KLF15: variants seen among roughly 807,000 people sequenced by gnomAD.
The protein encoded by KLF15 is KLF transcription factor 15.
Under a neutral mutation model 24.6 loss-of-function variants are expected in KLF15, and 4 were observed. The ratio of observed to expected loss-of-function variants is 0.16; its 90% confidence interval spans 0.08 to 0.37. The LOEUF is 0.37. KLF15 is among the 10% of genes least tolerant of loss of function. The probability of loss-of-function intolerance (pLI) is 1.00; values close to 1 mark genes in which losing one functional copy is unlikely to be tolerated. For synonymous variants in KLF15, 246 were observed against 236.3 expected, an observed-to-expected ratio of 1.04 and a Z score of -0.37; for missense variants, 496 against 560.6, an observed-to-expected ratio of 0.88 and a Z score of 1.16.
At chr3:126,349,960 T>C (rs538773388) in intron 2 of KLF15, among the ~76,000 whole-genome samples, 1 of 152,186 alleles carries the variant, frequency 6.6e-6, no homozygotes, top group African/African-American at 2.4e-5. Flanking sequence ...ATCCTTATGA[T>C]GTACAAACAA....
At chr3:126,322,389 C>A in the KLF15 span, among the ~76,000 whole-genome samples, 2 of 152,176 alleles carry the variant, frequency 1.3e-5, no homozygotes, top group African/African-American at 4.8e-5. Context: ...TTCCCCAGCT[C>A]CTTGCCCCCT....
chr3:126,300,072 G>T, the KLF15 span, among the ~76,000 whole-genome samples: 1 of 152,276 alleles, frequency 6.6e-6, no homozygotes, highest in South Asian at 2.1e-4. Flanking sequence ...GAGGCTCCAG[G>T]AGCTCCACAG....
rs1233340402 is a variant in KLF15 at position 126,357,259 on chromosome 3, C to T, written c.-48G>A. The T allele has an allele frequency of 6.7e-6, 1 of 148,648 alleles. No individual in the cohort carries two copies. The highest frequency in any genetic ancestry group is 1.5e-5 in the Non-Finnish European group (1 of 66,858). 9.2% of individuals were successfully genotyped at this position (148,648 alleles called of 1,614,324 possible). Reference sequence around the variant, plus strand: ...CACCTGAACTTGGCGCACGCCGGACCGGCGGCCAGGCCCCGGCGGTCCTGC... The same window carrying T: ...CACCTGAACTTGGCGCACGCCGGACTGGCGGCCAGGCCCCGGCGGTCCTGC... On this transcript the variant is annotated 5_prime_UTR_variant, in exon 1 of 3. Coordinates refer to ENST00000296233, the MANE Select transcript of KLF15 (RefSeq NM_014079.4).
At chr3:126,350,625 G>A (rs1021941161) in intron 2 of KLF15, among the ~76,000 whole-genome samples, 1 of 152,224 alleles carries the variant, frequency 6.6e-6, no homozygotes, top group Non-Finnish European at 1.5e-5. Context: ...AACAAAAGCT[G>A]CAAACTGCTC....
At chr3:126,318,098 G>C in the KLF15 span, among the ~76,000 whole-genome samples, 1 of 152,080 alleles carries the variant, frequency 6.6e-6, no homozygotes, top group East Asian at 1.9e-4. Flanking sequence ...CCACCCAGCT[G>C]CCTGTCCGCT....
Position 126,343,536 on chromosome 3 carries a change from G to C in KLF15, c.*191C>G. 1 of 566,694 alleles carries C rather than the reference G, an allele frequency of 1.8e-6. No individual in the cohort carries two copies. The highest frequency in any genetic ancestry group is 3.4e-5 in the East Asian group (1 of 29,624). 35.1% of individuals were successfully genotyped at this position (566,694 alleles called of 1,614,324 possible). On this transcript the variant is annotated 3_prime_UTR_variant, in exon 3 of 3. Transcript: ENST00000296233. ...CCTGGGGCCCAGCCCCCAGGGACGC[G>C]GGTTCGAGGCTCTAAGTACTCCCGA...
the KLF15 span, among the ~76,000 whole-genome samples, chr3:126,305,906 A>C: frequency 6.6e-6 from 1 of 152,218 alleles, no homozygotes; most frequent in African/African-American, 2.4e-5. Flanking sequence ...TTGAGTGTGC[A>C]GGAGATTTAC....
chr3:126,320,042 C>T, the KLF15 span, among the ~76,000 whole-genome samples: 1 of 152,110 alleles, frequency 6.6e-6, no homozygotes, highest in Non-Finnish European at 1.5e-5. Context: ...TCAGTGTAGA[C>T]CAGGCTTAAG....
chr3:126,326,524 G>T, the KLF15 span, among the ~76,000 whole-genome samples: 1 of 152,240 alleles, frequency 6.6e-6, no homozygotes, highest in Non-Finnish European at 1.5e-5. Flanking sequence ...AGATGAATAT[G>T]ATGATACAGG....
the KLF15 span, among the ~76,000 whole-genome samples, chr3:126,300,461 T>C: frequency 6.6e-6 from 1 of 151,610 alleles, no homozygotes; most frequent in Non-Finnish European, 1.5e-5. Context: ...GCGTCGGGGG[T>C]CTTCCTCCAC....
rs2107549517 is a variant in KLF15 at position 126,342,666 on chromosome 3, A to G, written c.*1061T>C. On this transcript the variant is annotated 3_prime_UTR_variant, in exon 3 of 3. Transcript: ENST00000296233. ...TTCTTTTTCTTTTTATTGGCAAAGT[A>G]AATATATTTTTATGAAGGACCAAAG... 6.5e-6 allele frequency: 1 copy of G among 152,740 alleles called. No individual in the cohort carries two copies. The highest frequency in any genetic ancestry group is 2.1e-4 in the South Asian group (1 of 4,830). The allele number at this position is 152,740 out of a possible 1,614,324, so 9.5% of individuals were successfully genotyped here.
downstream of KLF15, among the ~76,000 whole-genome samples, chr3:126,339,601 C>A (rs899824040): frequency 2.0e-5 from 3 of 152,194 alleles, no homozygotes; most frequent in Non-Finnish European, 2.9e-5. Context: ...CACTCTCAGC[C>A]CTCTCTTGTG....
chr3:126,338,441 G>T (rs1377032672), downstream of KLF15, among the ~76,000 whole-genome samples: 1 of 152,180 alleles, frequency 6.6e-6, no homozygotes, highest in South Asian at 2.1e-4. Context: ...AGCCCTCTGG[G>T]GATAGCTGTT....
At chr3:126,331,852 G>T in the KLF15 span, among the ~76,000 whole-genome samples, 1 of 152,212 alleles carries the variant, frequency 6.6e-6, no homozygotes, top group Non-Finnish European at 1.5e-5. Flanking sequence ...AAAGAAAGGG[G>T]TGACGGATGC....
chr3:126,298,376 G>A, the KLF15 span, among the ~76,000 whole-genome samples: 5 of 150,584 alleles, frequency 3.3e-5, no homozygotes, highest in Admixed American at 1.3e-4. Context: ...TGTATAGACT[G>A]TAGAGATTTT....
the KLF15 span, among the ~76,000 whole-genome samples, chr3:126,325,030 A>T: frequency 1.0e-5 from 1 of 96,514 alleles, no homozygotes; most frequent in Non-Finnish European, 2.0e-5. Flanking sequence ...TCATTGTTCA[A>T]TTCCCACCTA....
Position 126,343,659 on chromosome 3 carries a change from T to C in KLF15, c.*68A>G. The C allele has an allele frequency of 6.7e-7, 1 of 1,486,572 alleles. No homozygotes were observed. The allele number at this position is 1,486,572 out of a possible 1,614,324, so 92.1% of individuals were successfully genotyped here. ...GTCCCTCTGGAGGAGGCAAATAAAT[T>C]ATTGCTTAAAAAAATGGGGATGGGG... is the stretch of plus-strand genomic sequence containing the variant. On this transcript the variant is annotated 3_prime_UTR_variant, in exon 3 of 3. Coordinates refer to ENST00000296233, the MANE Select transcript of KLF15 (RefSeq NM_014079.4).
intron 2 of KLF15, among the ~76,000 whole-genome samples, chr3:126,345,284 A>G (rs1003778491): frequency 1.3e-5 from 2 of 150,922 alleles, no homozygotes; most frequent in African/African-American, 4.9e-5. Context: ...GATGACTGTC[A>G]GTCTGTCCCA....
chr3:126,323,473 TTA>T, the KLF15 span, among the ~76,000 whole-genome samples: 516 of 64,228 alleles, frequency 8.0e-3, 22 homozygotes, highest in African/African-American at 0.035. Flanking sequence ...CATATATATG[TTA>T]TATATATATA....
Sources: allele counts gnomAD v4.1 joint callset (sites outside exome capture counted in the v4.1 genomes callset), GRCh38; gene constraint gnomAD v4.1.1; transcripts MANE v1.5; gene names NCBI Gene and HGNC (gene_info 2026-07-23, HGNC 2026-07-21).